Variants in TDRD9 observed in about 807,000 individuals in gnomAD.
TDRD9 encodes tudor domain containing 9.
Under a neutral mutation model 172.6 loss-of-function variants are expected in TDRD9, and 124 were observed. The ratio of observed to expected loss-of-function variants is 0.72; its 90% confidence interval spans 0.62 to 0.83. TDRD9 has a LOEUF of 0.83. Ranked by LOEUF, TDRD9 falls within the 40% of genes least tolerant of loss-of-function variation. The probability of loss-of-function intolerance (pLI) is 0.00; values close to 1 mark genes in which losing one functional copy is unlikely to be tolerated. For synonymous variants in TDRD9, 619 were observed against 617.1 expected (o/e 1.00, Z -0.05); for missense variants, 1,479 against 1,714.1 (o/e 0.86, Z 2.42).
intron 32 of TDRD9, among the ~76,000 whole-genome samples, chr14:104,037,353 G>A (rs1174657765): frequency 6.6e-6 from 1 of 152,184 alleles, no homozygotes; most frequent in Non-Finnish European, 1.5e-5. Context: ...TCTCCTGTTC[G>A]GGTGGCGTCT....
At chr14:103,963,836 T>G (rs766933484) in intron 3 of TDRD9, among the ~76,000 whole-genome samples, 2 of 152,224 alleles carry the variant, frequency 1.3e-5, no homozygotes, top group Non-Finnish European at 2.9e-5. Flanking sequence ...AGGCCAGTAT[T>G]CAAATTAATT....
chr14:104,040,213 A>G lies in TDRD9; in HGVS notation c.3734A>G (p.Lys1245Arg). 2 of 1,539,646 alleles carry G rather than the reference A, an allele frequency of 1.3e-6. No individual in the cohort carries two copies. Among genetic ancestry groups the G allele is most frequent in the Non-Finnish European group, 8.8e-7 (1 of 1,140,382 alleles). ...VIELRIDQNG[K>R]YYTGVLCGLG... ...CCATTTAGGATTGATCAGAATGGCA[A>G]GTACTATACTGGAGTCCTTTGTGGT... The change falls in exon 33 of 36, where the codon AAG becomes AGG. Residue 1245 changes from lysine to arginine, a missense_variant. By Grantham distance (26) the Lys-to-Arg change is conservative. Coordinates refer to ENST00000409874, the MANE Select transcript of TDRD9 (RefSeq NM_153046.3).
chr14:103,979,121 C>T (rs1291072019), intron 7 of TDRD9, among the ~76,000 whole-genome samples: 1 of 152,162 alleles, frequency 6.6e-6, no homozygotes, highest in African/African-American at 2.4e-5. Flanking sequence ...TTTTTAGCTT[C>T]CACATGAGAA....
intron 20 of TDRD9, among the ~76,000 whole-genome samples, chr14:104,010,381 C>T (rs2034575780): frequency 6.6e-6 from 1 of 152,006 alleles, no homozygotes; most frequent in Non-Finnish European, 1.5e-5. Context: ...TACACATTAG[C>T]CTAGGCGTAC....
intron 12 of TDRD9, 53 bp downstream of exon 12, chr14:103,995,860 T>A (rs2034041277): frequency 6.8e-7 from 1 of 1,479,232 alleles, no homozygotes; most frequent in Non-Finnish European, 9.2e-7. Flanking sequence ...CCATATTTAT[T>A]GGCTTATTCA....
intron 4 of TDRD9, among the ~76,000 whole-genome samples, chr14:103,966,392 C>T (rs1401754748): frequency 6.6e-6 from 1 of 152,182 alleles, no homozygotes; most frequent in Non-Finnish European, 1.5e-5. Context: ...AATAGGAAAG[C>T]AGTAAGAATT....
intron 7 of TDRD9, among the ~76,000 whole-genome samples, chr14:103,982,359 C>T (rs1051873773): frequency 9.2e-5 from 14 of 152,162 alleles, no homozygotes; most frequent in Non-Finnish European, 1.8e-4. Context: ...AGGGTGGTGT[C>T]CCCTGTTGCC....
intron 31 of TDRD9, among the ~76,000 whole-genome samples, chr14:104,034,383 G>C (rs1003705671): frequency 6.6e-6 from 1 of 151,704 alleles, no homozygotes; most frequent in Non-Finnish European, 1.5e-5. Context: ...GTAGAGATGG[G>C]GTTTCACTGT....
At chr14:104,022,530 C>T (rs1211809203) in intron 24 of TDRD9, among the ~76,000 whole-genome samples, 200 bp downstream of exon 24, 1 of 152,090 alleles carries the variant, frequency 6.6e-6, no homozygotes, top group African/African-American at 2.4e-5. Context: ...AGTTTGAGAC[C>T]AGCCTCGCCA....
intron 32 of TDRD9, among the ~76,000 whole-genome samples, chr14:104,036,672 A>G (rs1425590810): frequency 6.6e-6 from 1 of 152,256 alleles, no homozygotes; most frequent in Non-Finnish European, 1.5e-5. Context: ...GGTTGTAGAC[A>G]TTCAAGAAAT....
chr14:103,940,991 C>A, intron 1 of TDRD9: 1 of 1,535,402 alleles, frequency 6.5e-7, no homozygotes, highest in Non-Finnish European at 8.7e-7. Flanking sequence ...TCCTCCAGGT[C>A]CTCTTGCTCA....
chr14:103,943,050 TG>T (rs2031334531), intron 1 of TDRD9, among the ~76,000 whole-genome samples: 1 of 152,160 alleles, frequency 6.6e-6, no homozygotes, highest in Non-Finnish European at 1.5e-5. Flanking sequence ...GTTTTTTTTT[TG>T]GAGCTGAGGA....
intron 6 of TDRD9, among the ~76,000 whole-genome samples, chr14:103,974,688 T>A (rs1173465993): frequency 6.6e-6 from 1 of 152,192 alleles, no homozygotes; most frequent in Non-Finnish European, 1.5e-5. Context: ...TTGCCCAGGC[T>A]AGAGTGCAGT....
chr14:103,994,986 G>A (rs76012617), intron 11 of TDRD9, among the ~76,000 whole-genome samples: 3,468 of 151,128 alleles, frequency 0.023, 79 homozygotes, highest in East Asian at 0.07. Context: ...TCACATTTCA[G>A]CAGTGTGTTC....
At chr14:104,046,365 A>C (rs2035776515) in intron 34 of TDRD9, among the ~76,000 whole-genome samples, 1 of 152,186 alleles carries the variant, frequency 6.6e-6, no homozygotes. Context: ...TTTTATGTTT[A>C]GGTTTTTGAT....
At chr14:103,944,055 T>G (rs1310495142) in intron 1 of TDRD9, among the ~76,000 whole-genome samples, 1 of 152,250 alleles carries the variant, frequency 6.6e-6, no homozygotes, top group African/African-American at 2.4e-5. Context: ...CATACTCCTT[T>G]GAATAACCTC....
At chr14:104,046,734 C>G (rs907542442) in intron 34 of TDRD9, among the ~76,000 whole-genome samples, 1 of 151,884 alleles carries the variant, frequency 6.6e-6, no homozygotes, top group Non-Finnish European at 1.5e-5. Flanking sequence ...CAAGCTCCGC[C>G]CCCCGGGTTC....
At chr14:104,010,171 T>G (rs1595982504) in intron 20 of TDRD9, among the ~76,000 whole-genome samples, 1 of 152,154 alleles carries the variant, frequency 6.6e-6, no homozygotes, top group East Asian at 1.9e-4. Context: ...GGTCTTGAAC[T>G]CCTGACCTTG....
rs1431603759 is a variant in TDRD9, at chr14:103,987,128, A to G, written c.1115+808A>G. ...ACTCCATCTCAAAAAATATATACAC[A>G]CACACACACACACACACACACACAC... On this transcript the variant is annotated intron_variant, in intron 8 of 35. Transcript: ENST00000409874. Among the ~76,000 whole-genome samples, 88 of 71,722 alleles carry G rather than the reference A, an allele frequency of 1.2e-3. 1 individual carries two copies. Among genetic ancestry groups the G allele is most frequent in the Middle Eastern group, 8.2e-3 (1 of 122 alleles). 47.1% of individuals were successfully genotyped at this position (71,722 alleles called of 152,430 possible).
Sources: gnomAD v4.1 joint callset for allele counts (sites outside exome capture counted in the v4.1 genomes callset) on GRCh38, gnomAD v4.1.1 for gene constraint, MANE v1.5 for transcripts, NCBI Gene and HGNC (gene_info 2026-07-23, HGNC 2026-07-21) for gene names.